The following FAM219A variants were observed in gnomAD, a reference collection of about 807,000 sequenced individuals.
FAM219A encodes the protein protein FAM219A.
A neutral mutation model predicts 23.4 loss-of-function variants in FAM219A; 7 were observed. The ratio of observed to expected loss-of-function variants is 0.30; its 90% CI spans 0.17 to 0.56. FAM219A has a LOEUF of 0.56. FAM219A is among the 20% of genes least tolerant of loss of function. FAM219A has a pLI of 0.92. For missense variants in FAM219A, 166 were observed against 246.9 expected, an observed-to-expected ratio of 0.67 and a Z score of 2.20; for synonymous variants, 93 against 99.0, an observed-to-expected ratio of 0.94 and a Z score of 0.36.
chr9:34,400,107 G>A lies in FAM219A; in HGVS notation c.*857C>T, dbSNP rs1821365284. ...CTGGGAAGCAGCCTCCCACGTCTTGGGCTGGGGTGAGGGGAATGGGCCATT... is the reference window on the plus strand; with the variant it reads ...CTGGGAAGCAGCCTCCCACGTCTTGAGCTGGGGTGAGGGGAATGGGCCATT... On this transcript the variant is annotated 3_prime_UTR_variant, in exon 6 of 6. Coordinates refer to ENST00000651358, the MANE Select transcript of FAM219A (RefSeq NM_001184940.2). 6.6e-6 allele frequency: 1 copy of A among 152,320 alleles called. No homozygotes were observed. The allele number at this position is 152,320 out of a possible 1,614,324, so 9.4% of individuals were successfully genotyped here.
chr9:34,439,990 G>A (rs1439609187), intron 1 of FAM219A, among the ~76,000 whole-genome samples: 3 of 152,212 alleles, frequency 2.0e-5, no homozygotes, highest in Admixed American at 1.3e-4. Context: ...CCCAGGAGAA[G>A]GGAGCAAAGA....
intron 1 of FAM219A, among the ~76,000 whole-genome samples, chr9:34,416,273 G>GGGAAGGAAGGAA (rs74180565): frequency 0.13 from 14,574 of 114,096 alleles, 1,716 homozygotes; most frequent in Middle Eastern, 0.22. Flanking sequence ...GAGGGAGGGA[G>GGGAAGGAAGGAA]GGAAGGAAGG....
intron 1 of FAM219A, among the ~76,000 whole-genome samples, chr9:34,449,285 A>T (rs749629803): frequency 6.6e-6 from 1 of 152,208 alleles, no homozygotes; most frequent in Non-Finnish European, 1.5e-5. Context: ...TGTAGGAGAC[A>T]GAGTGAAACT....
intron 1 of FAM219A, among the ~76,000 whole-genome samples, chr9:34,436,173 CTAT>C (rs1822907796): frequency 1.3e-5 from 2 of 151,598 alleles, no homozygotes; most frequent in African/African-American, 4.8e-5. Context: ...ATTATAATAT[CTAT>C]TATAACTATT....
Position 34,398,323 on chromosome 9 carries a change from TAGTG to T in FAM219A, c.*2637_*2640del, listed in dbSNP as rs1476087018. The T allele has an allele frequency of 1.2e-5, 19 of 1,550,674 alleles. No homozygotes were observed. Among genetic ancestry groups the T allele is most frequent in the Middle Eastern group, 1.7e-4 (1 of 6,014 alleles). On this transcript the variant is annotated 3_prime_UTR_variant, in exon 6 of 6. Coordinates refer to ENST00000651358, the MANE Select transcript of FAM219A (RefSeq NM_001184940.2). ...TCCACACACCTTCCTGGAAATAAAT[TAGTG>T]AGCACGGAGAAACCTGGCTGGGTGG...
chr9:34,445,624 G>A (rs529499986), intron 1 of FAM219A, among the ~76,000 whole-genome samples: 1 of 152,276 alleles, frequency 6.6e-6, no homozygotes, highest in South Asian at 2.1e-4. Flanking sequence ...CAGCTTTGAG[G>A]GGTAAAAGCC....
rs538921037 is a variant in FAM219A at position 34,457,161 on chromosome 9, A to G, written c.60+1043T>C. On this transcript the variant is annotated intron_variant, in intron 1 of 5. Coordinates refer to ENST00000651358, the MANE Select transcript of FAM219A (RefSeq NM_001184940.2). This position sits in a 1 kb window ranked among gnomAD's most constrained non-coding sequence, Gnocchi z 5.1. The stretch of plus-strand genomic sequence containing the variant: ...TTGTAGCCCACCTTGCCTCCTTCCA[A>G]TTCCAGCTCAGGCTCCAGGGGGATA... 1.3e-5 allele frequency among the ~76,000 whole-genome samples: 2 copies of G among 152,288 alleles called. No individual in the cohort carries two copies. Among genetic ancestry groups the G allele is most frequent in the East Asian group, 1.9e-4 (1 of 5,182 alleles).
intron 1 of FAM219A, among the ~76,000 whole-genome samples, chr9:34,409,482 G>T (rs1821751826): frequency 6.6e-6 from 1 of 152,230 alleles, no homozygotes; most frequent in Non-Finnish European, 1.5e-5. Flanking sequence ...CTAGAGTGGA[G>T]ATTAACAAGA....
chr9:34,429,077 C>T (rs74844089), intron 1 of FAM219A, among the ~76,000 whole-genome samples: 7,677 of 152,312 alleles, frequency 0.05, 273 homozygotes, highest in Non-Finnish European at 0.065. Flanking sequence ...CTCTGCCAGG[C>T]GTACTCAAGG....
intron 1 of FAM219A, among the ~76,000 whole-genome samples, chr9:34,427,769 G>C (rs1404754439): frequency 6.6e-6 from 1 of 152,194 alleles, no homozygotes; most frequent in Non-Finnish European, 1.5e-5. Flanking sequence ...TGCATTTTGT[G>C]CTCTTTGTAG....
chr9:34,458,303 G>T lies in FAM219A; in HGVS notation c.-40C>A. Reference sequence around the variant, plus strand: ...AGCGGGCCAGGGGCCGGGCGCGGCCGCGGACGCCGACAGGACCGCGCGGGG... The same window carrying T: ...AGCGGGCCAGGGGCCGGGCGCGGCCTCGGACGCCGACAGGACCGCGCGGGG... On this transcript the variant is annotated 5_prime_UTR_variant, in exon 1 of 6. Transcript: ENST00000651358. The surrounding 1 kb of genome is among the most constrained non-coding windows in gnomAD (Gnocchi z 6.6). The T allele has an allele frequency of 7.5e-7, 1 of 1,333,332 alleles. No homozygotes were observed. The allele number at this position is 1,333,332 out of a possible 1,614,324, so 82.6% of individuals were successfully genotyped here.
rs114311420 is a variant in FAM219A at position 34,416,961 on chromosome 9, G to A, written c.61-10997C>T. Among the ~76,000 whole-genome samples, 830 of 151,910 alleles carry A rather than the reference G, an allele frequency of 5.5e-3. 7 individuals carry two copies. Among genetic ancestry groups the A allele is most frequent in the African/African-American group, 0.019 (776 of 41,378 alleles). ...TACTACTTCAGCTTCCCGTGTATCTGGGATTACAGGTACATGTCACTGCAC... is the reference window on the plus strand; with the variant it reads ...TACTACTTCAGCTTCCCGTGTATCTAGGATTACAGGTACATGTCACTGCAC... On this transcript the variant is annotated intron_variant, in intron 1 of 5. Coordinates refer to ENST00000651358, the MANE Select transcript of FAM219A (RefSeq NM_001184940.2).
intron 1 of FAM219A, among the ~76,000 whole-genome samples, chr9:34,421,003 T>TGAGAGAGAGAGAGA (rs1389449891): frequency 6.4e-5 from 3 of 46,808 alleles, no homozygotes; most frequent in African/African-American, 2.3e-4. Context: ...TGTGTGTGTG[T>TGAGAGAGAGAGAGA]GTGTGTGAGA....
At chr9:34,406,803 CT>C (rs34985382) in intron 1 of FAM219A, among the ~76,000 whole-genome samples, 68,279 of 127,206 alleles carry the variant, frequency 0.54, 17,051 homozygotes, top group Middle Eastern at 0.67. Context: ...TGTCCAGAGT[CT>C]TTTTTTTTTT....
Position 34,402,471 on chromosome 9 carries a change from G to A in FAM219A, c.264-4C>T. Reference sequence around the variant, plus strand: ...GCCTTTATTGGGGACGACCAGCCTAGGTGAAGAATTTCGGGAGTTAGAGTG... The same window carrying A: ...GCCTTTATTGGGGACGACCAGCCTAAGTGAAGAATTTCGGGAGTTAGAGTG... On this transcript the variant is annotated splice_region_variant and splice_polypyrimidine_tract_variant and intron_variant, in intron 3 of 5. Transcript: ENST00000651358. 6.2e-7 allele frequency: 1 copy of A among 1,614,148 alleles called. No homozygotes were observed. Among genetic ancestry groups the A allele is most frequent in the East Asian group, 2.2e-5 (1 of 44,880 alleles).
At chr9:34,446,172 CAA>C (rs11352681) in intron 1 of FAM219A, among the ~76,000 whole-genome samples, 1,697 of 107,922 alleles carry the variant, frequency 0.016, 39 homozygotes, top group African/African-American at 0.048. Context: ...GACTCTGTCT[CAA>C]AAAAAAAAAA....
At chr9:34,430,986 G>C (rs1822678209) in intron 1 of FAM219A, among the ~76,000 whole-genome samples, 1 of 152,196 alleles carries the variant, frequency 6.6e-6, no homozygotes, top group Non-Finnish European at 1.5e-5. Flanking sequence ...GAGGCTCTGG[G>C]CAAGAGCCCT....
chr9:34,431,529 A>C (rs1312197712), intron 1 of FAM219A, among the ~76,000 whole-genome samples: 1 of 152,180 alleles, frequency 6.6e-6, no homozygotes, highest in Non-Finnish European at 1.5e-5. Flanking sequence ...AAATCTGGCA[A>C]AGAGCACCAA....
intron 1 of FAM219A, among the ~76,000 whole-genome samples, chr9:34,436,363 C>T (rs1381379108): frequency 6.6e-6 from 1 of 151,970 alleles, no homozygotes; most frequent in Non-Finnish European, 1.5e-5. Context: ...CCCACCTCAG[C>T]CTCCCAAGCA....
Sources: allele counts gnomAD v4.1 joint callset (sites outside exome capture counted in the v4.1 genomes callset), GRCh38; gene constraint gnomAD v4.1.1; non-coding constraint Gnocchi (gnomAD v3.1); transcripts MANE v1.5; gene names NCBI Gene and HGNC (gene_info 2026-07-23, HGNC 2026-07-21).